Variants in PLCB1 observed in about 807,000 individuals in gnomAD.
PLCB1 encodes the protein phospholipase C beta 1.
PLCB1 carries 46 observed loss-of-function variants against 161.8 expected under a neutral mutation model. The ratio of observed to expected loss-of-function variants is 0.28; its 90% CI spans 0.22 to 0.36. The LOEUF is 0.36. PLCB1 is among the 10% of genes least tolerant of loss of function. The probability of loss-of-function intolerance (pLI) is 1.00; values close to 1 mark genes in which losing one functional copy is unlikely to be tolerated. For missense variants in PLCB1, 1,016 were observed against 1,472.5 expected (o/e 0.69, Z 5.07); for synonymous variants, 517 against 503.7 (o/e 1.03, Z -0.35).
intron 9 of PLCB1, among the ~76,000 whole-genome samples, chr20:8,682,723 C>T (rs1472356488): frequency 6.6e-6 from 1 of 152,010 alleles, no homozygotes; most frequent in Non-Finnish European, 1.5e-5. Context: ...TGTCATTTTA[C>T]TGATAGGTTT....
intron 3 of PLCB1, among the ~76,000 whole-genome samples, chr20:8,418,381 A>G (rs989083932): frequency 6.6e-6 from 1 of 151,826 alleles, no homozygotes; most frequent in East Asian, 1.9e-4. Flanking sequence ...CTCCACCATC[A>G]CTCACTGGGC....
At position 8,733,115 on chromosome 20, in the gene PLCB1, A is replaced by G. The variant is rs1041347622; in HGVS notation, c.1889-123A>G. 8 of 958,772 alleles carry G rather than the reference A, an allele frequency of 8.3e-6. No individual in the cohort carries two copies. In the African/African-American group the frequency reaches 1.2e-4, roughly 14 times the overall value. The allele number at this position is 958,772 out of a possible 1,614,324, so 59.4% of individuals were successfully genotyped here. On this transcript the variant is annotated intron_variant, in intron 18 of 31. Coordinates refer to ENST00000338037, the MANE Select transcript of PLCB1 (RefSeq NM_015192.4). ...TATCTGTGTTTCCTGCATTTCTACA[A>G]TGACTCTCTTCCAAGGGAATACAGT... is the stretch of plus-strand genomic sequence containing the variant.
At chr20:8,217,218 C>T (rs924767658) in intron 2 of PLCB1, among the ~76,000 whole-genome samples, 7 of 152,070 alleles carry the variant, frequency 4.6e-5, no homozygotes, top group Admixed American at 3.9e-4. Flanking sequence ...AGTAAAGACC[C>T]CATTAAATAT....
chr20:8,632,665 C>T (rs1031382292), intron 4 of PLCB1, among the ~76,000 whole-genome samples: 2 of 152,074 alleles, frequency 1.3e-5, no homozygotes, highest in Admixed American at 1.3e-4. Flanking sequence ...GGGAATAAGT[C>T]AGGAGGATGT....
intron 16 of PLCB1, among the ~76,000 whole-genome samples, chr20:8,726,646 G>T (rs185020541): frequency 1.3e-4 from 20 of 151,958 alleles, no homozygotes; most frequent in Admixed American, 4.6e-4. Context: ...GGGGAACCAC[G>T]CCCATAATTC....
At chr20:8,664,560 T>C (rs1197927541) in intron 9 of PLCB1, among the ~76,000 whole-genome samples, 1 of 152,132 alleles carries the variant, frequency 6.6e-6, no homozygotes, top group Non-Finnish European at 1.5e-5. Flanking sequence ...AGAAAGAGAC[T>C]GGACTTGGGA....
chr20:8,178,848 A>G (rs567990257), intron 2 of PLCB1, among the ~76,000 whole-genome samples: 1 of 152,316 alleles, frequency 6.6e-6, no homozygotes, highest in Non-Finnish European at 1.5e-5. Context: ...AATCTTCTGC[A>G]TAGGGCTGGC....
intron 3 of PLCB1, among the ~76,000 whole-genome samples, chr20:8,449,621 G>T (rs2122642401): frequency 6.6e-6 from 1 of 152,318 alleles, no homozygotes; most frequent in African/African-American, 2.4e-5. Context: ...CACTTCCGGG[G>T]CACATACTAC....
chr20:8,223,155 C>A (rs917478366), intron 2 of PLCB1, among the ~76,000 whole-genome samples: 2 of 152,152 alleles, frequency 1.3e-5, no homozygotes, highest in African/African-American at 2.4e-5. Flanking sequence ...ATATAAGGAC[C>A]TGGTTGCATT....
chr20:8,242,697 C>T (rs1302926313), intron 2 of PLCB1, among the ~76,000 whole-genome samples: 1 of 151,842 alleles, frequency 6.6e-6, no homozygotes, highest in Admixed American at 6.6e-5. Flanking sequence ...AAGAAGTTAC[C>T]TTGAAAGAAG....
At chr20:8,872,685 A>G (rs950657071) in intron 31 of PLCB1, among the ~76,000 whole-genome samples, 4 of 152,160 alleles carry the variant, frequency 2.6e-5, no homozygotes, top group African/African-American at 9.7e-5. Flanking sequence ...AACTGCACTC[A>G]TTCATGGGTT....
intron 9 of PLCB1, among the ~76,000 whole-genome samples, chr20:8,669,984 C>G (rs1249547178): frequency 6.6e-6 from 1 of 152,174 alleles, no homozygotes; most frequent in Non-Finnish European, 1.5e-5. Flanking sequence ...GCATTACGGT[C>G]AGGAACCACT....
In PLCB1 at chr20:8,737,096, G is replaced by A. The variant is rs139095432; in HGVS notation, c.2112G>A (p.Leu704=). The change falls in exon 20 of 32, where the codon TTG becomes TTA. Residue 704 remains leucine (L), a synonymous_variant. Coordinates refer to ENST00000338037, the MANE Select transcript of PLCB1 (RefSeq NM_015192.4). Reference sequence around the variant, plus strand: ...ACGTGGAAGTAGATATGTTTGGTTTGCCTGTGGATACAAGGAGGAAGGCAT... The same window carrying A: ...ACGTGGAAGTAGATATGTTTGGTTTACCTGTGGATACAAGGAGGAAGGCAT... ...GTYVEVDMFG[L]PVDTRRKAFK... 1.0e-4 allele frequency: 162 copies of A among 1,613,402 alleles called. No individual in the cohort carries two copies. Among genetic ancestry groups the A allele is most frequent in the Middle Eastern group, 9.9e-4 (6 of 6,080 alleles).
intron 31 of PLCB1, among the ~76,000 whole-genome samples, chr20:8,877,610 C>T (rs1339679122): frequency 6.6e-6 from 1 of 152,200 alleles, no homozygotes; most frequent in Non-Finnish European, 1.5e-5. Context: ...GCCCCTGTAA[C>T]ATCTGAGTTT....
chr20:8,507,830 A>T (rs956955466), intron 3 of PLCB1, among the ~76,000 whole-genome samples: 2 of 152,236 alleles, frequency 1.3e-5, no homozygotes, highest in Non-Finnish European at 2.9e-5. Context: ...AATACAAAAA[A>T]TGGAATAAGA....
chr20:8,826,564 A>G (rs1985717284), intron 31 of PLCB1, among the ~76,000 whole-genome samples: 1 of 152,050 alleles, frequency 6.6e-6, no homozygotes, highest in South Asian at 2.1e-4. Flanking sequence ...AGGAGCAACT[A>G]GGCCTAGGAT....
chr20:8,255,773 G>A (rs943511788), intron 2 of PLCB1, among the ~76,000 whole-genome samples: 52 of 151,628 alleles, frequency 3.4e-4, no homozygotes, highest in Middle Eastern at 3.2e-3. Context: ...ATAAATTGTC[G>A]ATATTCAAAA....
intron 3 of PLCB1, among the ~76,000 whole-genome samples, chr20:8,499,648 A>G (rs1303965267): frequency 6.6e-6 from 1 of 152,216 alleles, no homozygotes; most frequent in African/African-American, 2.4e-5. Flanking sequence ...AATCCATGCC[A>G]TTCAGGTAGC....
At chr20:8,644,176 C>T (rs1363048191) in intron 4 of PLCB1, among the ~76,000 whole-genome samples, 7 of 152,318 alleles carry the variant, frequency 4.6e-5, no homozygotes, top group African/African-American at 1.7e-4. Flanking sequence ...CTGCCTTGGC[C>T]TCCCAAAGTG....
Sources: allele counts gnomAD v4.1 joint callset (sites outside exome capture counted in the v4.1 genomes callset), GRCh38; gene constraint gnomAD v4.1.1; transcripts MANE v1.5; gene names NCBI Gene and HGNC (gene_info 2026-07-23, HGNC 2026-07-21).